ZNF385D: variants seen among roughly 807,000 people sequenced by gnomAD.
ZNF385D encodes the protein zinc finger protein 659.
In ZNF385D, 15 loss-of-function variants were observed where a neutral mutation model predicts 35.8. That is an observed-to-expected ratio of 0.42 (90% CI 0.28 to 0.64). The LOEUF is 0.64. ZNF385D is among the 30% of genes least tolerant of loss of function. The pLI is 0.23. For synonymous variants in ZNF385D, 212 were observed against 186.8 expected, an observed-to-expected ratio of 1.13 and a Z score of -1.10; for missense variants, 474 against 494.6, an observed-to-expected ratio of 0.96 and a Z score of 0.39.
intron 2 of ZNF385D, among the ~76,000 whole-genome samples, chr3:22,214,620 G>A (rs1180551438): frequency 6.6e-6 from 1 of 151,924 alleles, no homozygotes; most frequent in African/African-American, 2.4e-5. Context: ...CGCTTCAGGG[G>A]GTGGCCATCT....
chr3:22,127,803 C>T (rs111426955), intron 3 of ZNF385D, among the ~76,000 whole-genome samples: 2 of 152,270 alleles, frequency 1.3e-5, no homozygotes, highest in Admixed American at 6.5e-5. Flanking sequence ...CTTCACCTCT[C>T]CCACTCTTTA....
intron 2 of ZNF385D, among the ~76,000 whole-genome samples, chr3:21,636,378 T>TTA (rs1183440640): frequency 0.036 from 1,712 of 47,926 alleles, 49 homozygotes; most frequent in South Asian, 0.081. Flanking sequence ...ATATATATGA[T>TTA]TATATATATA....
chr3:21,578,409 A>T (rs1444931448), intron 2 of ZNF385D, among the ~76,000 whole-genome samples: 1 of 152,150 alleles, frequency 6.6e-6, no homozygotes, highest in Admixed American at 6.6e-5. Context: ...GCCCAGACCA[A>T]TGTACTAAAG....
intron 2 of ZNF385D, among the ~76,000 whole-genome samples, chr3:22,328,707 G>A (rs144433609): frequency 6.6e-6 from 1 of 151,576 alleles, no homozygotes; most frequent in Non-Finnish European, 1.5e-5. Context: ...AGGTTGCAGT[G>A]AGCCAGATTG....
At chr3:22,164,215 A>ATTTTTTTTTTTTTT (rs1706157207) in intron 3 of ZNF385D, among the ~76,000 whole-genome samples, 4 of 91,014 alleles carry the variant, frequency 4.4e-5, no homozygotes, top group Non-Finnish European at 4.5e-5. Context: ...CAAAAGGAGC[A>ATTTTTTTTTTTTTT]CTTTTTTTTT....
chr3:22,015,984 G>A (rs189464944), intron 3 of ZNF385D, among the ~76,000 whole-genome samples: 28 of 152,256 alleles, frequency 1.8e-4, no homozygotes, highest in African/African-American at 5.5e-4. Context: ...AACCAAAAGA[G>A]TAAGGGAGAG....
rs571819338 is a variant in ZNF385D, at chr3:21,972,978, T to G, written c.325+195839A>C. On this transcript the variant is annotated intron_variant, in intron 3 of 5. Transcript: ENST00000494108. ...AGGACCCAGCGGCTTCATTGCTGAA[T>G]TTTACCAAAGTTTTGAAAAAGAACT... Among the ~76,000 whole-genome samples the G allele has an allele frequency of 2.9e-3, 436 of 152,098 alleles. 7 individuals are homozygous for G. The highest frequency in any genetic ancestry group is 0.01 in the African/African-American group (422 of 41,558).
intron 1 of ZNF385D, among the ~76,000 whole-genome samples, chr3:21,735,233 A>C (rs1225564604): frequency 1.3e-5 from 2 of 152,196 alleles, no homozygotes; most frequent in Non-Finnish European, 2.9e-5. Flanking sequence ...AATCTGTAAA[A>C]TGAAAAGGAT....
rs193002046 is a variant in ZNF385D at position 21,656,986 on chromosome 3, G to T, written c.165+7900C>A. 5.3e-5 allele frequency among the ~76,000 whole-genome samples: 8 copies of T among 151,782 alleles called. No individual in the cohort carries two copies. The East Asian group carries it at 1.5e-3, about 29-fold the overall frequency. ...CTAAGAAACTCACAGTAGGAAACAGGCCAAATATATTACTTGCAAAGCCTC... is the reference window on the plus strand; with the variant it reads ...CTAAGAAACTCACAGTAGGAAACAGTCCAAATATATTACTTGCAAAGCCTC... On this transcript the variant is annotated intron_variant, in intron 2 of 7. Transcript: ENST00000281523.
rs1707928442 is a variant in ZNF385D at position 21,521,844 on chromosome 3, TG to T, written c.277-10822del. 2.0e-5 allele frequency among the ~76,000 whole-genome samples: 3 copies of T among 152,188 alleles called. No individual in the cohort carries two copies. In the South Asian group the frequency reaches 6.2e-4, roughly 32 times the overall value. On this transcript the variant is annotated intron_variant, in intron 3 of 7. Coordinates refer to ENST00000281523, the MANE Select transcript of ZNF385D (RefSeq NM_024697.3). Reference sequence around the variant, plus strand: ...CTAGAAAAAAATGTGTAACTCCTTTTGCAGAGGGGTTAATCTTCCAGCTACA... The same window carrying T: ...CTAGAAAAAAATGTGTAACTCCTTTTCAGAGGGGTTAATCTTCCAGCTACA...
intron 3 of ZNF385D, among the ~76,000 whole-genome samples, chr3:21,905,688 TAA>T (rs1491496499): frequency 1.4e-5 from 1 of 71,866 alleles, no homozygotes; most frequent in African/African-American, 5.9e-5. Context: ...TCATCTGTGG[TAA>T]TATATATATA....
chr3:22,143,117 C>A (rs1458417678), intron 3 of ZNF385D, among the ~76,000 whole-genome samples: 1 of 148,660 alleles, frequency 6.7e-6, no homozygotes, highest in East Asian at 2.0e-4. Flanking sequence ...GAGTCTCACT[C>A]TGTCGCCCAG....
At chr3:21,460,298 G>A (rs1703083943) in intron 4 of ZNF385D, among the ~76,000 whole-genome samples, 1 of 152,088 alleles carries the variant, frequency 6.6e-6, no homozygotes, top group African/African-American at 2.4e-5. Context: ...TTTTGTGTCT[G>A]CTTAAAATTC....
intron 3 of ZNF385D, among the ~76,000 whole-genome samples, chr3:22,082,277 C>A (rs1032578813): frequency 6.6e-6 from 1 of 152,096 alleles, no homozygotes; most frequent in Admixed American, 6.5e-5. Flanking sequence ...TGCAAGGGGT[C>A]AGGGAATTCC....
intron 3 of ZNF385D, among the ~76,000 whole-genome samples, chr3:21,810,320 G>T (rs1473623458): frequency 7.0e-6 from 1 of 142,308 alleles, no homozygotes; most frequent in Non-Finnish European, 1.5e-5. Flanking sequence ...ACGATAAAAA[G>T]AAAGATATCA....
chr3:21,434,388 C>T (rs1701449328), intron 5 of ZNF385D, among the ~76,000 whole-genome samples: 1 of 152,194 alleles, frequency 6.6e-6, no homozygotes, highest in South Asian at 2.1e-4. Flanking sequence ...AATCCTACAT[C>T]TGTGGCTAGT....
chr3:21,837,149 G>T (rs998283229), intron 3 of ZNF385D, among the ~76,000 whole-genome samples: 4 of 152,060 alleles, frequency 2.6e-5, no homozygotes, highest in African/African-American at 9.7e-5. Flanking sequence ...ATATGTCATT[G>T]CCAAATTTCT....
chr3:21,921,931 G>C (rs1391115004), intron 3 of ZNF385D, among the ~76,000 whole-genome samples: 1 of 151,776 alleles, frequency 6.6e-6, no homozygotes, highest in Non-Finnish European at 1.5e-5. Flanking sequence ...AGAAGAGATG[G>C]TGCCAATCCT....
At chr3:21,598,314 C>T (rs1575285163) in intron 2 of ZNF385D, among the ~76,000 whole-genome samples, 1 of 152,004 alleles carries the variant, frequency 6.6e-6, no homozygotes, top group African/African-American at 2.4e-5. Context: ...TAAGGATAAG[C>T]AGTAGATCAT....
Sources: allele counts gnomAD v4.1 joint callset (sites outside exome capture counted in the v4.1 genomes callset), GRCh38; gene constraint gnomAD v4.1.1; transcripts MANE v1.5; gene names NCBI Gene and HGNC (gene_info 2026-07-23, HGNC 2026-07-21).